GCN1: variants seen among roughly 807,000 people sequenced by gnomAD.
GCN1 encodes stalled ribosome sensor GCN1.
Under a neutral mutation model 288.4 loss-of-function variants are expected in GCN1, and 90 were observed. That is an observed-to-expected ratio of 0.31 (90% CI 0.26 to 0.37). GCN1 has a LOEUF of 0.37. Ranked by LOEUF, GCN1 falls within the 10% of genes least tolerant of loss-of-function variation. The pLI, the probability that GCN1 is intolerant of heterozygous loss-of-function variation, is 1.00. For synonymous variants in GCN1, 1,386 were observed against 1,420.2 expected (o/e 0.98, Z 0.54); for missense variants, 2,586 against 3,419.9 (o/e 0.76, Z 6.08).
intron 16 of GCN1, among the ~76,000 whole-genome samples, chr12:120,165,832 C>T (rs1484284684): frequency 3.3e-5 from 5 of 151,842 alleles, no homozygotes; most frequent in African/African-American, 1.2e-4. Flanking sequence ...TGCTCTGTCA[C>T]CCAGGCTGGA....
rs957124772 is a variant in GCN1 at position 120,134,218 on chromosome 12, G to C, written c.7317+73C>G. ...AGCTGTACTGGTTCTAACACAAAGT[G>C]AAGAACTCAACCTAAGGAGGAGGAG... On this transcript the variant is annotated intron_variant, in intron 53 of 57. Coordinates refer to ENST00000300648, the MANE Select transcript of GCN1 (RefSeq NM_006836.2). The surrounding 1 kb of genome is among the most constrained non-coding windows in gnomAD (Gnocchi z 5.0). 2 of 970,694 alleles carry C rather than the reference G, an allele frequency of 2.1e-6. No individual in the cohort carries two copies. Among genetic ancestry groups the C allele is most frequent in the Non-Finnish European group, 3.3e-6 (2 of 603,964 alleles). 60.1% of individuals were successfully genotyped at this position (970,694 alleles called of 1,614,324 possible). A position where few individuals can be genotyped will look rare whatever the true frequency, so the allele number is the denominator to read the frequency against.
In GCN1 at chr12:120,127,297, A is replaced by T. The variant is rs1346886376; in HGVS notation, c.*552T>A. The T allele has an allele frequency of 6.5e-6, 1 of 152,720 alleles. No homozygotes were observed. The highest frequency in any genetic ancestry group is 1.5e-5 in the Non-Finnish European group (1 of 68,082). The allele number at this position is 152,720 out of a possible 1,614,324, so 9.5% of individuals were successfully genotyped here. On this transcript the variant is annotated 3_prime_UTR_variant, in exon 58 of 58. Coordinates refer to ENST00000300648, the MANE Select transcript of GCN1 (RefSeq NM_006836.2). ...GATTAAATCAAAGCCTTTATTAAAC[A>T]TTCCTCTTTCAAACAGCCTTTCAAA...
intron 45 of GCN1, among the ~76,000 whole-genome samples, chr12:120,140,377 T>C (rs1237226800): frequency 6.6e-6 from 1 of 152,142 alleles, no homozygotes; most frequent in Non-Finnish European, 1.5e-5. Context: ...GGAAACAGTA[T>C]TGTTGCCAGA....
chr12:120,134,395 G>A lies in GCN1; in HGVS notation c.7213C>T (p.Leu2405=), dbSNP rs1459643148. Residue 2405 remains leucine, a synonymous_variant, in exon 53 of 58, where the codon CTG becomes TTG. Coordinates refer to ENST00000300648, the MANE Select transcript of GCN1 (RefSeq NM_006836.2). This position sits in a 1 kb window ranked among gnomAD's most constrained non-coding sequence, Gnocchi z 5.0. ...TGAATCACAAACCTCAGGGCCTGCA[G>A]CATGGTGTCCCTGCAGAAGCAATGC... is the stretch of plus-strand genomic sequence containing the variant. ...MEDPGVRDTM[L]QALRFVIQGA... 1.2e-6 allele frequency: 2 copies of A among 1,613,036 alleles called. No individual in the cohort carries two copies. Among genetic ancestry groups the A allele is most frequent in the African/African-American group, 2.7e-5 (2 of 74,906 alleles).
chr12:120,137,388 G>A lies in GCN1; in HGVS notation c.6664-69C>T. The A allele has an allele frequency of 1.4e-6, 2 of 1,442,310 alleles. No individual in the cohort carries two copies. The highest frequency in any genetic ancestry group is 1.4e-5 in the African/African-American group (1 of 71,592). 89.3% of individuals were successfully genotyped at this position (1,442,310 alleles called of 1,614,324 possible). Reference sequence around the variant, plus strand: ...AAGACTGCTTCCAAAGAATATATGGGGAAAGCGTGGGCGGGAGTATAAACA... The same window carrying A: ...AAGACTGCTTCCAAAGAATATATGGAGAAAGCGTGGGCGGGAGTATAAACA... On this transcript the variant is annotated intron_variant, in intron 49 of 57. Transcript: ENST00000300648. This position sits in a 1 kb window ranked among gnomAD's most constrained non-coding sequence, Gnocchi z 5.2.
chr12:120,176,825 G>A (rs1178926542), intron 9 of GCN1, among the ~76,000 whole-genome samples: 1 of 151,952 alleles, frequency 6.6e-6, no homozygotes, highest in Non-Finnish European at 1.5e-5. Context: ...GGAGTGTAAT[G>A]GCATGATCTT....
Position 120,137,795 on chromosome 12 carries a change from G to A in GCN1, c.6413C>T (p.Ala2138Val). The change falls in exon 49 of 58, where the codon GCT becomes GTT. Residue 2138 changes from alanine to valine, a missense_variant. By Grantham distance (64) the Ala-to-Val change is moderately conservative (BLOSUM62 0). Transcript: ENST00000300648. This position sits in a 1 kb window ranked among gnomAD's most constrained non-coding sequence, Gnocchi z 5.2. Reference sequence around the variant, plus strand: ...GTCATCCTCTACGGAGAGGATCACAGCCTGACAATTGGCCATCTCCTGCAA... The same window carrying A: ...GTCATCCTCTACGGAGAGGATCACAACCTGACAATTGGCCATCTCCTGCAA... Reference protein sequence around the residue: ...DEQLEMANCQAVILSVEDDTG... With the variant: ...DEQLEMANCQVVILSVEDDTG... The A allele has an allele frequency of 6.2e-7, 1 of 1,613,746 alleles. No homozygotes were observed. Among genetic ancestry groups the A allele is most frequent in the Non-Finnish European group, 8.5e-7 (1 of 1,179,638 alleles).
rs532964038 is a variant in GCN1 at position 120,151,067 on chromosome 12, C to T, written c.4309+78G>A. The stretch of plus-strand genomic sequence containing the variant: ...CAAGCAACGGCCTCCACCTGGGGCG[C>T]CACGGTCAGATTCCTTCCTCTGGCA... On this transcript the variant is annotated intron_variant, in intron 34 of 57. Transcript: ENST00000300648. 1.8e-5 allele frequency: 27 copies of T among 1,528,092 alleles called. No homozygotes were observed. In the South Asian group the frequency reaches 2.8e-4, roughly 16 times the overall value. 94.7% of individuals were successfully genotyped at this position (1,528,092 alleles called of 1,614,324 possible).
intron 22 of GCN1, 78 bp from the exon 23 acceptor site, chr12:120,160,333 C>A: frequency 9.9e-7 from 1 of 1,015,158 alleles, no homozygotes; most frequent in South Asian, 1.3e-5. Context: ...GGTGAGCTTG[C>A]TTCCACACAA....
At chr12:120,180,031 G>A (rs1233752032) in intron 5 of GCN1, among the ~76,000 whole-genome samples, 3 of 152,208 alleles carry the variant, frequency 2.0e-5, no homozygotes, top group African/African-American at 7.2e-5. Context: ...AGGCTGCCAG[G>A]CCTAGTGGCT....
intron 5 of GCN1, among the ~76,000 whole-genome samples, chr12:120,180,617 C>A (rs913430944): frequency 1.3e-5 from 2 of 150,754 alleles, no homozygotes; most frequent in Non-Finnish European, 3.0e-5. Flanking sequence ...AAAAAACAAA[C>A]AAAAATCTCA....
rs1360385482 is a variant in GCN1, at chr12:120,134,851, G to T, written c.7009-125C>A. ...GCGAGTCCAGCTCTCATACAGGGCT[G>T]GGGACAGATAGCCCGTCAGAGAGGC... On this transcript the variant is annotated intron_variant, in intron 51 of 57. Transcript: ENST00000300648. This position sits in a 1 kb window ranked among gnomAD's most constrained non-coding sequence, Gnocchi z 5.0. The T allele has an allele frequency of 1.3e-6, 1 of 786,220 alleles. No homozygotes were observed. The highest frequency in any genetic ancestry group is 2.1e-6 in the Non-Finnish European group (1 of 477,928). The allele number at this position is 786,220 out of a possible 1,614,324, so 48.7% of individuals were successfully genotyped here. A position where few individuals can be genotyped will look rare whatever the true frequency, so the allele number is the denominator to read the frequency against.
intron 23 of GCN1, 42 bp from the exon 24 acceptor site, chr12:120,160,065 G>T: frequency 6.3e-7 from 1 of 1,597,494 alleles, no homozygotes; most frequent in Non-Finnish European, 8.6e-7. Flanking sequence ...GCAGGGCCCT[G>T]CTTGTGACAG....
chr12:120,184,490 T>A (rs1878759423), intron 3 of GCN1, among the ~76,000 whole-genome samples: 1 of 152,196 alleles, frequency 6.6e-6, no homozygotes, highest in Non-Finnish European at 1.5e-5. Flanking sequence ...GGAGCAGTTA[T>A]AAGGGTCTCA....
intron 33 of GCN1, among the ~76,000 whole-genome samples, chr12:120,152,130 A>G (rs1184518427): frequency 4.6e-5 from 7 of 152,082 alleles, no homozygotes; most frequent in African/African-American, 1.7e-4. Context: ...CCTGGACTCA[A>G]GCAATCCTAT....
Position 120,142,816 on chromosome 12 carries a change from G to A in GCN1, c.5613+8C>T, listed in dbSNP as rs1877242377. 6.2e-7 allele frequency: 1 copy of A among 1,604,876 alleles called. No homozygotes were observed. Among genetic ancestry groups the A allele is most frequent in the Admixed American group, 1.7e-5 (1 of 60,004 alleles). On this transcript the variant is annotated splice_region_variant and intron_variant, in intron 43 of 57. Coordinates refer to ENST00000300648, the MANE Select transcript of GCN1 (RefSeq NM_006836.2). The surrounding 1 kb of genome is among the most constrained non-coding windows in gnomAD (Gnocchi z 4.9). ...CATCAGCAGGGGCAGGAAAGCCACTGCAGGCACCTTGTTGGACTGGGCAGT... is the reference window on the plus strand; with the variant it reads ...CATCAGCAGGGGCAGGAAAGCCACTACAGGCACCTTGTTGGACTGGGCAGT...
At chr12:120,139,147 T>TA (rs1271704783) in intron 45 of GCN1, among the ~76,000 whole-genome samples, 1 of 151,594 alleles carries the variant, frequency 6.6e-6, no homozygotes, top group African/African-American at 2.4e-5. Flanking sequence ...CTATCTCTAC[T>TA]AAAAATACAA....
chr12:120,188,582 G>T (rs1016183041), intron 2 of GCN1, among the ~76,000 whole-genome samples: 3 of 151,896 alleles, frequency 2.0e-5, no homozygotes, highest in Non-Finnish European at 4.4e-5. Context: ...AATGTTTTTG[G>T]CTGGGCGCGG....
chr12:120,170,998 G>A (rs1294038799), intron 14 of GCN1, among the ~76,000 whole-genome samples: 10 of 151,654 alleles, frequency 6.6e-5, no homozygotes, highest in African/African-American at 1.9e-4. Context: ...TGTCTTAGCC[G>A]GGTGGGGTGG....
Sources: gnomAD v4.1 joint callset for allele counts (sites outside exome capture counted in the v4.1 genomes callset) on GRCh38, gnomAD v4.1.1 for gene constraint, Gnocchi (gnomAD v3.1) non-coding constraint, MANE v1.5 for transcripts, NCBI Gene and HGNC (gene_info 2026-07-23, HGNC 2026-07-21) for gene names.